Variants in GZMM observed in about 807,000 individuals in gnomAD.
GZMM encodes the protein granzyme M.
A neutral mutation model predicts 19.2 loss-of-function variants in GZMM; 23 were observed. The ratio of observed to expected loss-of-function variants is 1.20; its 90% CI spans 0.86 to 1.69. The LOEUF (loss-of-function observed/expected upper bound fraction) is 1.69. Ranked by LOEUF, GZMM falls within the 40% of genes most tolerant of loss-of-function variation. The probability of loss-of-function intolerance (pLI) is 0.00; values close to 1 mark genes in which losing one functional copy is unlikely to be tolerated. For missense variants in GZMM, 373 were observed against 352.2 expected, an observed-to-expected ratio of 1.06 and a Z score of -0.47; for synonymous variants, 178 against 160.2, an observed-to-expected ratio of 1.11 and a Z score of -0.84.
At chr19:545,992 C>T (rs1353605042) in intron 1 of GZMM, among the ~76,000 whole-genome samples, 1 of 151,678 alleles carries the variant, frequency 6.6e-6, no homozygotes, top group Non-Finnish European at 1.5e-5. Flanking sequence ...ATTGGCCAGG[C>T]TGATCTCCAA....
chr19:546,498 G>A (rs1275928912), intron 1 of GZMM, among the ~76,000 whole-genome samples: 15 of 142,294 alleles, frequency 1.1e-4, no homozygotes, highest in Admixed American at 9.8e-4. Flanking sequence ...CTGAGATCAC[G>A]GCACTGCATT....
intron 1 of GZMM, among the ~76,000 whole-genome samples, chr19:545,382 T>C (rs1292581829): frequency 6.6e-6 from 1 of 152,120 alleles, no homozygotes; most frequent in African/African-American, 2.4e-5. Context: ...ACTTGCACTC[T>C]TGTCACCCAG....
chr19:548,897 A>T (rs1433772413), intron 3 of GZMM, 25 bp from the exon 4 acceptor site: 23 of 1,433,114 alleles, frequency 1.6e-5, no homozygotes, highest in Non-Finnish European at 1.9e-5. Flanking sequence ...CCCCCTGCTC[A>T]CCTGCCCCTT....
Position 548,638 on chromosome 19 carries a change from G to A in GZMM, c.309G>A (p.Lys103=), listed in dbSNP as rs373532340. Residue 103 remains lysine, a synonymous_variant, in exon 3 of 5, where the codon AAG becomes AAA. Coordinates refer to ENST00000264553, the MANE Select transcript of GZMM (RefSeq NM_005317.4). ...CAGCCATCCAGCACCCTCGCTACAA[G>A]CCCGTCCCTGCCCTGGAGAACGACC... ...IKAAIQHPRY[K]PVPALENDLA... is the part of the protein sequence containing the mutation. 2.7e-5 allele frequency: 43 copies of A among 1,613,490 alleles called. No homozygotes were observed. In the African/African-American group the frequency reaches 5.5e-4, roughly 21 times the overall value.
chr19:548,461 G>C, intron 2 of GZMM, 81 bp from the exon 3 acceptor site: 2 of 1,413,772 alleles, frequency 1.4e-6, no homozygotes, highest in Non-Finnish European at 2.0e-6. Flanking sequence ...TGGACAACGG[G>C]CACAGTGGGG....
Position 549,621 on chromosome 19 carries a change from T to C in GZMM, c.613-9T>C, listed in dbSNP as rs750710140. ...GCAGAGGCTGAGCTGCGGTGTGTCGTCCCTGCAGGGTGACTCGGGCGGGCC... is the reference window on the plus strand; with the variant it reads ...GCAGAGGCTGAGCTGCGGTGTGTCGCCCCTGCAGGGTGACTCGGGCGGGCC... On this transcript the variant is annotated splice_polypyrimidine_tract_variant and intron_variant, in intron 4 of 4. Transcript: ENST00000264553. The C allele has an allele frequency of 5.6e-6, 9 of 1,608,766 alleles. No homozygotes were observed. The highest frequency in any genetic ancestry group is 7.6e-6 in the Non-Finnish European group (9 of 1,179,446).
rs142301648 is a variant in GZMM, at chr19:548,970, C to A, written c.397C>A (p.Pro133Thr). Residue 133 changes from proline (P) to threonine (T), a missense_variant, in exon 4 of 5, where the codon CCC becomes ACC. Pro to Thr is a conservative substitution (Grantham distance 38, BLOSUM62 -1). Transcript: ENST00000264553. ...CCGGACCATCCGGCCGTTGGCCCTG[C>A]CCAGTAAGCGCCAGGTGGTGGCAGC... ...PSRTIRPLALPSKRQVVAAGT... is the reference protein window; with the variant it reads ...PSRTIRPLALTSKRQVVAAGT... 5 of 1,601,572 alleles carry A rather than the reference C, an allele frequency of 3.1e-6. No homozygotes were observed. The African/African-American group carries it at 5.4e-5, about 17-fold the overall frequency.
In GZMM at chr19:549,018, G is replaced by T. The variant is rs751041343; in HGVS notation, c.445G>T (p.Gly149Cys). 1 of 1,602,306 alleles carries T rather than the reference G, an allele frequency of 6.2e-7. No homozygotes were observed. The highest frequency in any genetic ancestry group is 8.5e-7 in the Non-Finnish European group (1 of 1,176,052). The change falls in exon 4 of 5, where the codon GGC (glycine) becomes TGC (cysteine). Residue 149 changes from glycine (G) to cysteine (C), a missense_variant. By Grantham distance (159) the Gly-to-Cys change is radical. Coordinates refer to ENST00000264553, the MANE Select transcript of GZMM (RefSeq NM_005317.4). ...VAAGTRCSMAGWGLTHQGGRL... is the reference protein window; with the variant it reads ...VAAGTRCSMACWGLTHQGGRL... Reference sequence around the variant, plus strand: ...AGCAGGGACTCGGTGCAGCATGGCCGGCTGGGGGCTGACCCACCAGGGCGG... The same window carrying T: ...AGCAGGGACTCGGTGCAGCATGGCCTGCTGGGGGCTGACCCACCAGGGCGG...
chr19:549,663 G>A lies in GZMM; in HGVS notation c.646G>A (p.Gly216Ser), dbSNP rs1375885982. ...DSGGPLVCGK[G>S]RVLARVLSFS... ...GGGCGGGCCCCTGGTGTGTGGCAAA[G>A]GCCGGGTGTTGGCCAGAGTCCTGTC... is the stretch of plus-strand genomic sequence containing the variant. The change falls in exon 5 of 5, where the codon GGC (glycine) becomes AGC (serine). Residue 216 changes from glycine to serine, a missense_variant. Physicochemically the swap from Gly to Ser is moderately conservative, Grantham distance 56. Coordinates refer to ENST00000264553, the MANE Select transcript of GZMM (RefSeq NM_005317.4). The A allele has an allele frequency of 3.7e-6, 6 of 1,613,454 alleles. No homozygotes were observed. In the South Asian group the frequency reaches 5.5e-5, roughly 15 times the overall value.
intron 2 of GZMM, among the ~76,000 whole-genome samples, chr19:547,992 G>A (rs996993745): frequency 1.3e-5 from 2 of 152,180 alleles, no homozygotes; most frequent in Admixed American, 6.5e-5. Context: ...TTGTGTAACT[G>A]CAAAGTCTAG....
At position 547,451 on chromosome 19, in the gene GZMM, C is replaced by T; in HGVS notation, c.212+15C>T. ...CTGGCCCAGCGGTGAGTACCCTGCC[C>T]TGCCCACCCCAGGGGTCCGGGGAAT... is the stretch of plus-strand genomic sequence containing the variant. On this transcript the variant is annotated intron_variant, in intron 2 of 4. Transcript: ENST00000264553. The T allele has an allele frequency of 2.2e-6, 3 of 1,384,008 alleles. No homozygotes were observed. Among genetic ancestry groups the T allele is most frequent in the Non-Finnish European group, 2.8e-6 (3 of 1,064,224 alleles). 85.7% of individuals were successfully genotyped at this position (1,384,008 alleles called of 1,614,324 possible).
At position 548,303 on chromosome 19, in the gene GZMM, C is replaced by T. The variant is rs573034095; in HGVS notation, c.213-239C>T. On this transcript the variant is annotated intron_variant, in intron 2 of 4. Coordinates refer to ENST00000264553, the MANE Select transcript of GZMM (RefSeq NM_005317.4). Reference sequence around the variant, plus strand: ...GCTTGGGGTTGGATTTTTGGACACACAGCCCTTGCCTGGGGCCAGGGCCGG... The same window carrying T: ...GCTTGGGGTTGGATTTTTGGACACATAGCCCTTGCCTGGGGCCAGGGCCGG... Among the ~76,000 whole-genome samples, 5 of 152,142 alleles carry T rather than the reference C, an allele frequency of 3.3e-5. No homozygotes were observed. In the South Asian group the frequency reaches 8.3e-4, roughly 25 times the overall value.
chr19:547,214 G>A (rs1429212463), intron 1 of GZMM, 66 bp from the exon 2 acceptor site: 2 of 1,396,414 alleles, frequency 1.4e-6, no homozygotes, highest in Non-Finnish European at 1.9e-6. Flanking sequence ...AGCTGGGCAA[G>A]GACAGTCGCA....
At chr19:545,349 A>G (rs1351123770) in intron 1 of GZMM, among the ~76,000 whole-genome samples, 1 of 152,168 alleles carries the variant, frequency 6.6e-6, no homozygotes, top group African/African-American at 2.4e-5. Context: ...CCCAGGGTGC[A>G]GGCAGCTTGC....
Position 549,167 on chromosome 19 carries a change from G to T in GZMM, c.594G>T (p.Lys198Asn). The T allele has an allele frequency of 6.3e-7, 1 of 1,576,366 alleles. No individual in the cohort carries two copies. The highest frequency in any genetic ancestry group is 2.3e-5 in the East Asian group (1 of 43,292). The change falls in exon 4 of 5, where the codon AAG becomes AAT. Residue 198 changes from lysine to asparagine, a missense_variant. Physicochemically the swap from Lys to Asn is moderately conservative, Grantham distance 94. Transcript: ENST00000264553. Reference sequence around the variant, plus strand: ...TGGTCTGCCTGGCGGCCGACTCCAAGGACCAGGCTCCCTGCAAGGTGAGGG... The same window carrying T: ...TGGTCTGCCTGGCGGCCGACTCCAATGACCAGGCTCCCTGCAAGGTGAGGG... ...PSMVCLAADS[K>N]DQAPCKGDSG...
chr19:546,142 C>T (rs1171994424), intron 1 of GZMM, among the ~76,000 whole-genome samples: 12 of 152,292 alleles, frequency 7.9e-5, no homozygotes, highest in African/African-American at 1.2e-4. Flanking sequence ...AGCTGATTTA[C>T]GTTACATTAT....
At chr19:545,109 C>T (rs949511896) in intron 1 of GZMM, among the ~76,000 whole-genome samples, 2 of 152,190 alleles carry the variant, frequency 1.3e-5, no homozygotes, top group African/African-American at 4.8e-5. Context: ...ATCCCTCCTT[C>T]CTTTCTCCCG....
rs1032147804 is a variant in GZMM at position 547,639 on chromosome 19, C to T, written c.212+203C>T. Among the ~76,000 whole-genome samples the T allele has an allele frequency of 3.9e-5, 6 of 152,310 alleles. No homozygotes were observed. In the East Asian group the frequency reaches 1.2e-3, roughly 29 times the overall value. ...CTCCTTGCAAGAGGCACTGGCAGGG[C>T]CAGCTCCTTCCACACCGCAGCCTGG... On this transcript the variant is annotated intron_variant, in intron 2 of 4. Coordinates refer to ENST00000264553, the MANE Select transcript of GZMM (RefSeq NM_005317.4).
At chr19:548,430 A>G in intron 2 of GZMM, 112 bp from the exon 3 acceptor site, 1 of 1,036,350 alleles carries the variant, frequency 9.6e-7, no homozygotes, top group East Asian at 2.6e-5. Context: ...TGTGAGGGGC[A>G]GCGGCTGTGA....
Sources: allele counts gnomAD v4.1 joint callset (sites outside exome capture counted in the v4.1 genomes callset), GRCh38; gene constraint gnomAD v4.1.1; transcripts MANE v1.5; gene names NCBI Gene and HGNC (gene_info 2026-07-23, HGNC 2026-07-21).